The following TAS2R1 variants were observed in gnomAD, a reference collection of about 807,000 sequenced individuals.
The protein encoded by TAS2R1 is taste 2 receptor member 1, also known as taste receptor type 2 member 1.
For synonymous variants in TAS2R1, 141 were observed against 134.2 expected (o/e 1.05, Z -0.35); for missense variants, 370 against 353.4 (o/e 1.05, Z -0.38).
At chr5:9,643,831 G>A (rs181951237) in intron 2 of TAS2R1, among the ~76,000 whole-genome samples, 2 of 152,278 alleles carry the variant, frequency 1.3e-5, no homozygotes, top group Admixed American at 1.3e-4. Context: ...ATAATTCCAG[G>A]TAAAGTAGAA....
the TAS2R1 span, among the ~76,000 whole-genome samples, chr5:9,816,977 A>G: frequency 7.2e-5 from 11 of 152,178 alleles, no homozygotes; most frequent in African/African-American, 2.7e-4. Context: ...TTTCTACAAT[A>G]TATAGGTAGT....
the TAS2R1 span, among the ~76,000 whole-genome samples, chr5:9,722,434 C>T: frequency 2.4e-4 from 36 of 152,338 alleles, no homozygotes; most frequent in African/African-American, 7.7e-4. Flanking sequence ...ATGTAATCTA[C>T]GTAAAATGGA....
chr5:9,858,053 G>A, the TAS2R1 span, among the ~76,000 whole-genome samples: 1 of 152,040 alleles, frequency 6.6e-6, no homozygotes, highest in Admixed American at 6.6e-5. Flanking sequence ...GTGGTCTGGA[G>A]CCTAGGGCTG....
chr5:9,818,577 G>A, the TAS2R1 span, among the ~76,000 whole-genome samples: 3 of 152,202 alleles, frequency 2.0e-5, no homozygotes, highest in East Asian at 5.8e-4. Context: ...GGGTGACTGG[G>A]CAATGTCTCC....
At chr5:9,805,197 G>C in the TAS2R1 span, among the ~76,000 whole-genome samples, 1 of 152,008 alleles carries the variant, frequency 6.6e-6, no homozygotes, top group African/African-American at 2.4e-5. Flanking sequence ...AAATGAGGAA[G>C]ATATAGAGAC....
chr5:9,806,279 C>T, the TAS2R1 span, among the ~76,000 whole-genome samples: 1 of 152,110 alleles, frequency 6.6e-6, no homozygotes, highest in Non-Finnish European at 1.5e-5. Context: ...ACATCCTATG[C>T]TCATTGATGT....
chr5:9,890,007 G>A, the TAS2R1 span: 3 of 152,150 alleles, frequency 2.0e-5, no homozygotes, highest in Non-Finnish European at 2.9e-5. Flanking sequence ...GAGAGCGGTC[G>A]GGGCTAAAGA....
At chr5:9,720,268 C>T in the TAS2R1 span, among the ~76,000 whole-genome samples, 2 of 152,180 alleles carry the variant, frequency 1.3e-5, no homozygotes, top group Non-Finnish European at 2.9e-5. Context: ...CGTGGATCTG[C>T]GGGTTGTAGA....
chr5:9,735,253 G>A, the TAS2R1 span, among the ~76,000 whole-genome samples: 3 of 151,376 alleles, frequency 2.0e-5, no homozygotes, highest in Admixed American at 1.3e-4. Flanking sequence ...CGTGAGATTT[G>A]GGTGAGGACA....
upstream of TAS2R1, among the ~76,000 whole-genome samples, chr5:9,633,294 T>TTATA (rs200096603): frequency 0.054 from 3,680 of 67,702 alleles, 198 homozygotes; most frequent in Middle Eastern, 0.062. Flanking sequence ...TGTGTGTATA[T>TTATA]TATATATATA....
intron 2 of TAS2R1, among the ~76,000 whole-genome samples, chr5:9,638,427 C>T (rs1740004556): frequency 6.6e-6 from 1 of 152,156 alleles, no homozygotes; most frequent in African/African-American, 2.4e-5. Flanking sequence ...GTGAAGTTGT[C>T]ATGTGGACAG....
chr5:9,671,985 C>T (rs1240659063), intron 1 of TAS2R1, among the ~76,000 whole-genome samples: 1 of 151,920 alleles, frequency 6.6e-6, no homozygotes, highest in African/African-American at 2.4e-5. Flanking sequence ...GAAATAATAC[C>T]TCACACCTAC....
At chr5:9,798,861 C>T in the TAS2R1 span, among the ~76,000 whole-genome samples, 2 of 152,322 alleles carry the variant, frequency 1.3e-5, no homozygotes, top group African/African-American at 4.8e-5. Context: ...AAGGATGCTC[C>T]TTCCAAACAA....
chr5:9,767,261 TTC>T, the TAS2R1 span, among the ~76,000 whole-genome samples: 1 of 151,846 alleles, frequency 6.6e-6, no homozygotes, highest in Non-Finnish European at 1.5e-5. Context: ...CATCCTTCAT[TTC>T]TCTCTCTACG....
upstream of TAS2R1, among the ~76,000 whole-genome samples, chr5:9,631,531 C>G (rs559324324): frequency 1.1e-3 from 168 of 152,284 alleles, 2 homozygotes; most frequent in African/African-American, 3.8e-3. Context: ...CATGAGCCAC[C>G]ACTCCCAGCC....
At position 9,704,388 on chromosome 5, in the gene TAS2R1, A is replaced by G. The variant is rs186174414; in HGVS notation, c.-242+7784T>C. Among the ~76,000 whole-genome samples, 50 of 152,244 alleles carry G rather than the reference A, an allele frequency of 3.3e-4. No individual in the cohort carries two copies. In the East Asian group the frequency reaches 9.6e-3, roughly 29 times the overall value. On this transcript the variant is annotated intron_variant, in intron 1 of 2. Transcript: ENST00000506620. ...GAAAAAAAAAAAATCAGATATTACA[A>G]ATCTAATTTAGTAACATGAAATAGT...
intron 2 of TAS2R1, among the ~76,000 whole-genome samples, chr5:9,653,552 T>C (rs1431064061): frequency 6.6e-6 from 1 of 152,234 alleles, no homozygotes; most frequent in Non-Finnish European, 1.5e-5. Flanking sequence ...TGCTGGATTA[T>C]GTGGTAATTC....
rs1739826767 is a variant in TAS2R1 at position 9,629,513 on chromosome 5, T to C, written c.520A>G (p.Ile174Val). 1 of 1,614,166 alleles carries C rather than the reference T, an allele frequency of 6.2e-7. No individual in the cohort carries two copies. The highest frequency in any genetic ancestry group is 8.5e-7 in the Non-Finnish European group (1 of 1,180,036). ...ATIQKEDTLA[I>V]QIFSFVAEFS... is the part of the protein sequence containing the mutation. ...TCAGCAACAAAAGAGAAAATCTGTA[T>C]AGCCAGTGTATCTTCTTTTTGAATT... Residue 174 changes from isoleucine (I) to valine (V), a missense_variant, in exon 1 of 1, where the codon ATA (isoleucine) becomes GTA (valine). Physicochemically the swap from Ile to Val is conservative, Grantham distance 29. Transcript: ENST00000382492.
upstream of TAS2R1, among the ~76,000 whole-genome samples, chr5:9,633,294 TTATATATATATATATA>T (rs200096603): frequency 1.3e-4 from 9 of 67,824 alleles, no homozygotes; most frequent in South Asian, 1.4e-3. Context: ...TGTGTGTATA[TTATATATATATATATA>T]TATATATATA....
Sources: allele counts gnomAD v4.1 joint callset (sites outside exome capture counted in the v4.1 genomes callset), GRCh38; gene constraint gnomAD v4.1.1; transcripts MANE v1.5; gene names NCBI Gene and HGNC (gene_info 2026-07-23, HGNC 2026-07-21).